Variants in SLC6A3 observed in about 807,000 individuals in gnomAD.
The protein encoded by SLC6A3 is sodium-dependent dopamine transporter.
SLC6A3 carries 19 observed loss-of-function variants against 70.4 expected under a neutral mutation model. That is an observed-to-expected ratio of 0.27 (90% CI 0.19 to 0.40). The LOEUF (loss-of-function observed/expected upper bound fraction) is 0.40. SLC6A3 is among the 10% of genes least tolerant of loss of function. The pLI, the probability that SLC6A3 is intolerant of heterozygous loss-of-function variation, is 1.00. For synonymous variants in SLC6A3, 368 were observed against 356.6 expected, an observed-to-expected ratio of 1.03 and a Z score of -0.36; for missense variants, 613 against 838.5, an observed-to-expected ratio of 0.73 and a Z score of 3.32.
chr5:1,402,984 T>A lies in SLC6A3; in HGVS notation c.1705A>T (p.Met569Leu). The A allele has an allele frequency of 1.9e-6, 3 of 1,614,056 alleles. No individual in the cohort carries two copies. The highest frequency in any genetic ancestry group is 2.5e-6 in the Non-Finnish European group (3 of 1,180,022). The change falls in exon 13 of 15, where the codon ATG becomes TTG. Residue 569 changes from methionine to leucine, a missense_variant. Coordinates refer to ENST00000270349, the MANE Select transcript of SLC6A3 (RefSeq NM_001044.5). This position sits in a 1 kb window ranked among gnomAD's most constrained non-coding sequence, Gnocchi z 8.5. ...GCCGCATAGATGGGCACCATGGCCA[T>A]GGAGGATGTGGCGATGACCCAGCCC... ...ALGWVIATSS[M>L]AMVPIYAAYK...
At chr5:1,423,355 C>CAGT (rs1756507893) in intron 4 of SLC6A3, among the ~76,000 whole-genome samples, 6 of 82,296 alleles carry the variant, frequency 7.3e-5, no homozygotes, top group East Asian at 3.7e-4. Flanking sequence ...GTGCTGCCCA[C>CAGT]GCTGCTGGGT....
At position 1,409,769 on chromosome 5, in the gene SLC6A3, G is replaced by T; in HGVS notation, c.1350C>A (p.Leu450=). Residue 450 remains leucine (L), a synonymous_variant, in exon 10 of 15, where the codon CTC becomes CTA. Transcript: ENST00000270349. ...LLHRHRELFT[L]FIVLATFLLS... is the part of the protein sequence containing the mutation. ...GGAGGAAGGTCGCCAGGACGATGAAGAGCGTGAAGAGCTCACGGTGTCTGT... is the reference window on the plus strand; with the variant it reads ...GGAGGAAGGTCGCCAGGACGATGAATAGCGTGAAGAGCTCACGGTGTCTGT... 3.7e-6 allele frequency: 6 copies of T among 1,613,462 alleles called. No homozygotes were observed. The South Asian group carries it at 5.5e-5, about 15-fold the overall frequency.
chr5:1,398,094 C>A (rs1054785461), intron 14 of SLC6A3, among the ~76,000 whole-genome samples: 2 of 152,164 alleles, frequency 1.3e-5, no homozygotes, highest in Non-Finnish European at 2.9e-5. Context: ...GGCACAGTGG[C>A]TTACGGCTGT....
Position 1,413,498 on chromosome 5 carries a change from C to G in SLC6A3, c.1156+1193G>C, listed in dbSNP as rs1195775543. On this transcript the variant is annotated intron_variant, in intron 8 of 14. Transcript: ENST00000270349. This position sits in a 1 kb window ranked among gnomAD's most constrained non-coding sequence, Gnocchi z 7.1. ...TGGTGCTTGTCGCTCCCCGCCTTCA[C>G]TGAGCCTCAACACCCAGGCAGAGAT... Among the ~76,000 whole-genome samples the G allele has an allele frequency of 6.6e-6, 1 of 152,218 alleles. No homozygotes were observed. The highest frequency in any genetic ancestry group is 6.5e-5 in the Admixed American group (1 of 15,288).
In SLC6A3 at chr5:1,408,299, C is replaced by T. The variant is rs969327568; in HGVS notation, c.1498+727G>A. ...TCTCGTGATCTGCCCACCTCGGCCT[C>T]CCAAAGTGCTGGGATTACAGGCGTG... On this transcript the variant is annotated intron_variant, in intron 11 of 14. Transcript: ENST00000270349. This position sits in a 1 kb window ranked among gnomAD's most constrained non-coding sequence, Gnocchi z 6.4. Among the ~76,000 whole-genome samples the T allele has an allele frequency of 1.1e-4, 16 of 151,698 alleles. No homozygotes were observed. Among genetic ancestry groups the T allele is most frequent in the African/African-American group, 3.6e-4 (15 of 41,238 alleles).
At chr5:1,431,058 G>T (rs976233214) in intron 4 of SLC6A3, among the ~76,000 whole-genome samples, 2 of 151,114 alleles carry the variant, frequency 1.3e-5, no homozygotes, top group South Asian at 4.2e-4. Context: ...GGGGAGAATC[G>T]CGCAAACGTC....
chr5:1,434,345 A>G (rs187521542), intron 3 of SLC6A3, among the ~76,000 whole-genome samples: 3 of 152,350 alleles, frequency 2.0e-5, no homozygotes, highest in East Asian at 1.9e-4. Flanking sequence ...AAGACCATCA[A>G]GGACCAGCCA....
At position 1,421,754 on chromosome 5, in the gene SLC6A3, T is replaced by A. The variant is rs1368002523; in HGVS notation, c.792+122A>T. 6.4e-6 allele frequency: 7 copies of A among 1,090,158 alleles called. No homozygotes were observed. The African/African-American group carries it at 1.1e-4, about 17-fold the overall frequency. The allele number at this position is 1,090,158 out of a possible 1,614,324, so 67.5% of individuals were successfully genotyped here. A position where few individuals can be genotyped will look rare whatever the true frequency, so the allele number is the denominator to read the frequency against. ...CCATGTGTCCACCCCAACCTGGCCA[T>A]GGCCACATTGGTAGCACAAAACCCA... On this transcript the variant is annotated intron_variant, in intron 5 of 14. Coordinates refer to ENST00000270349, the MANE Select transcript of SLC6A3 (RefSeq NM_001044.5). This position sits in a 1 kb window ranked among gnomAD's most constrained non-coding sequence, Gnocchi z 7.2.
In SLC6A3 at chr5:1,396,698, T is replaced by C. The variant is rs11564773; in HGVS notation, c.1840-1940A>G. Among the ~76,000 whole-genome samples the C allele has an allele frequency of 0.11, 16,268 of 152,100 alleles. 1,159 individuals carry two copies. The highest frequency in any genetic ancestry group is 0.2 in the African/African-American group (8,204 of 41,502). On this transcript the variant is annotated intron_variant, in intron 14 of 14. Transcript: ENST00000270349. The surrounding 1 kb of genome is among the most constrained non-coding windows in gnomAD (Gnocchi z 7.0). ...CGACAGGACCAGAGGGAACCACCTC[T>C]GATGCCCACACAGGGCTGGGCACGG...
At position 1,421,660 on chromosome 5, in the gene SLC6A3, C is replaced by T. The variant is rs1355126950; in HGVS notation, c.792+216G>A. Among the ~76,000 whole-genome samples the T allele has an allele frequency of 2.0e-5, 3 of 151,946 alleles. No homozygotes were observed. Among genetic ancestry groups the T allele is most frequent in the Non-Finnish European group, 2.9e-5 (2 of 67,988 alleles). On this transcript the variant is annotated intron_variant, in intron 5 of 14. Coordinates refer to ENST00000270349, the MANE Select transcript of SLC6A3 (RefSeq NM_001044.5). This position sits in a 1 kb window ranked among gnomAD's most constrained non-coding sequence, Gnocchi z 7.2. Reference sequence around the variant, plus strand: ...AACCCGGCACAGCCACAGGTGTACCCTCAATCATGGCCACGTGTACACTCC... The same window carrying T: ...AACCCGGCACAGCCACAGGTGTACCTTCAATCATGGCCACGTGTACACTCC...
At chr5:1,424,387 C>A (rs941458817) in intron 4 of SLC6A3, among the ~76,000 whole-genome samples, 1 of 152,216 alleles carries the variant, frequency 6.6e-6, no homozygotes, top group African/African-American at 2.4e-5. Flanking sequence ...CGTCGTTCTG[C>A]TCCCCCAGCA....
intron 10 of SLC6A3, 86 bp downstream of exon 10, chr5:1,409,635 T>TG: frequency 6.6e-7 from 1 of 1,522,422 alleles, no homozygotes; most frequent in Non-Finnish European, 9.1e-7. Context: ...CGGTTCTGTC[T>TG]GGCCTGACAG....
At position 1,408,151 on chromosome 5, in the gene SLC6A3, T is replaced by G. The variant is rs558455270; in HGVS notation, c.1498+875A>C. On this transcript the variant is annotated intron_variant, in intron 11 of 14. Coordinates refer to ENST00000270349, the MANE Select transcript of SLC6A3 (RefSeq NM_001044.5). This position sits in a 1 kb window ranked among gnomAD's most constrained non-coding sequence, Gnocchi z 6.4. ...ATACCATCAGTGTCTTCAGAAAATC[T>G]ACAGCCTCCTGACTAGCTGGGATTA... is the stretch of plus-strand genomic sequence containing the variant. Among the ~76,000 whole-genome samples the G allele has an allele frequency of 9.2e-5, 14 of 151,726 alleles. No individual in the cohort carries two copies. Among genetic ancestry groups the G allele is most frequent in the African/African-American group, 2.9e-4 (12 of 41,344 alleles).
At chr5:1,414,097 C>A (rs537906026) in intron 8 of SLC6A3, among the ~76,000 whole-genome samples, 1 of 152,138 alleles carries the variant, frequency 6.6e-6, no homozygotes, top group Non-Finnish European at 1.5e-5. Flanking sequence ...AGGGATCTCC[C>A]GGCTGCTCTG....
chr5:1,432,796 C>T, intron 3 of SLC6A3, 98 bp from the exon 4 acceptor site: 1 of 828,142 alleles, frequency 1.2e-6, no homozygotes, highest in Non-Finnish European at 2.0e-6. Context: ...GAGACATTAC[C>T]CTGAGCCCAC....
Position 1,411,167 on chromosome 5 carries a change from C to G in SLC6A3, c.1269+76G>C, listed in dbSNP as rs1321207944. The G allele has an allele frequency of 2.9e-6, 3 of 1,028,226 alleles. No homozygotes were observed. In the African/African-American group the frequency reaches 4.8e-5, roughly 16 times the overall value. The allele number at this position is 1,028,226 out of a possible 1,614,324, so 63.7% of individuals were successfully genotyped here. A position where few individuals can be genotyped will look rare whatever the true frequency, so the allele number is the denominator to read the frequency against. ...CGTGAGCCCAGGGATCTTGCCTAGC[C>G]CTGGGAGGGCAGGGCCCCCTCGGGT... On this transcript the variant is annotated intron_variant, in intron 9 of 14. Transcript: ENST00000270349. This position sits in a 1 kb window ranked among gnomAD's most constrained non-coding sequence, Gnocchi z 6.5.
At chr5:1,414,879 C>T (rs1288586827) in intron 7 of SLC6A3, 64 bp from the exon 8 acceptor site, 2 of 1,606,760 alleles carry the variant, frequency 1.2e-6, no homozygotes, top group Non-Finnish European at 1.7e-6. Context: ...ATTTTCCAGT[C>T]ATTATTCTTA....
At position 1,414,798 on chromosome 5, in the gene SLC6A3, G is replaced by T; in HGVS notation, c.1049C>A (p.Thr350Asn). 1 of 1,612,956 alleles carries T rather than the reference G, an allele frequency of 6.2e-7. No individual in the cohort carries two copies. Among genetic ancestry groups the T allele is most frequent in the Non-Finnish European group, 8.5e-7 (1 of 1,179,866 alleles). ...GAAGCTCGTCAGGGAGTTGATGGAG[G>T]TGGTGACAATCGCGTCCCTGTAAGA... Reference protein sequence around the residue: ...NNCYRDAIVTTSINSLTSFSS... With the variant: ...NNCYRDAIVTNSINSLTSFSS... The change falls in exon 8 of 15, where the codon ACC (threonine) becomes AAC (asparagine). Residue 350 changes from threonine to asparagine, a missense_variant. Coordinates refer to ENST00000270349, the MANE Select transcript of SLC6A3 (RefSeq NM_001044.5).
Position 1,442,709 on chromosome 5 carries a change from C to T in SLC6A3, c.286+203G>A, listed in dbSNP as rs766428054. On this transcript the variant is annotated intron_variant, in intron 2 of 14. Transcript: ENST00000270349. This position sits in a 1 kb window ranked among gnomAD's most constrained non-coding sequence, Gnocchi z 5.0. The stretch of plus-strand genomic sequence containing the variant: ...CCTTTCCTAAACTCTGAAATGCAGG[C>T]GTGGGACAAGGCAGCTCCGAGTCCT... Among the ~76,000 whole-genome samples, 19 of 152,124 alleles carry T rather than the reference C, an allele frequency of 1.2e-4. No individual in the cohort carries two copies. The highest frequency in any genetic ancestry group is 2.2e-4 in the Non-Finnish European group (15 of 67,994).
Sources: allele counts gnomAD v4.1 joint callset (sites outside exome capture counted in the v4.1 genomes callset), GRCh38; gene constraint gnomAD v4.1.1; non-coding constraint Gnocchi (gnomAD v3.1); transcripts MANE v1.5; gene names NCBI Gene and HGNC (gene_info 2026-07-23, HGNC 2026-07-21).